Variants in CLVS1 observed in about 807,000 individuals in gnomAD.
CLVS1 encodes clavesin 1.
CLVS1 carries 10 observed loss-of-function variants against 33.1 expected under a neutral mutation model. The ratio of observed to expected loss-of-function variants is 0.30; its 90% CI spans 0.19 to 0.51. CLVS1 has a LOEUF of 0.51. CLVS1 is among the 20% of genes least tolerant of loss of function. The pLI is 0.97. For missense variants in CLVS1, 343 were observed against 433.4 expected (o/e 0.79, Z 1.85); for synonymous variants, 163 against 166.1 (o/e 0.98, Z 0.14).
intron 1 of CLVS1, among the ~76,000 whole-genome samples, chr8:61,106,076 A>T (rs1805532203): frequency 6.6e-6 from 1 of 152,136 alleles, no homozygotes; most frequent in African/African-American, 2.4e-5. Context: ...TGACTACCCT[A>T]CTAGACTGTG....
chr8:61,166,031 G>GTTTTTTTTTTTTTTTTTTTTTTTT (rs71245557), intron 2 of CLVS1, among the ~76,000 whole-genome samples: 1 of 108,374 alleles, frequency 9.2e-6, no homozygotes, highest in Non-Finnish European at 1.9e-5. Context: ...GCATCTAAGC[G>GTTTTTTTTTTTTTTTTTTTTTTTT]TTTTTTTTTT....
intron 2 of CLVS1, among the ~76,000 whole-genome samples, chr8:61,263,232 A>G (rs1809243061): frequency 6.6e-6 from 1 of 152,164 alleles, no homozygotes; most frequent in African/African-American, 2.4e-5. Flanking sequence ...CCAGCAGAGG[A>G]TGGGGTCTGG....
chr8:61,373,359 A>G (rs900291550), intron 2 of CLVS1, among the ~76,000 whole-genome samples: 7 of 152,184 alleles, frequency 4.6e-5, no homozygotes, highest in Non-Finnish European at 8.8e-5. Flanking sequence ...AACTGTAATG[A>G]AGTCCATAAA....
chr8:61,448,498 T>C (rs1465919147), intron 3 of CLVS1, among the ~76,000 whole-genome samples: 1 of 152,156 alleles, frequency 6.6e-6, no homozygotes, highest in Non-Finnish European at 1.5e-5. Context: ...AGTTCACTGA[T>C]TCTTTCTTCT....
chr8:61,105,158 A>G (rs1486582364), intron 1 of CLVS1, among the ~76,000 whole-genome samples: 4 of 152,230 alleles, frequency 2.6e-5, no homozygotes, highest in Non-Finnish European at 4.4e-5. Context: ...AAGACTAACT[A>G]TATTTGAGAT....
At chr8:61,275,012 A>C (rs1585741352) in intron 2 of CLVS1, among the ~76,000 whole-genome samples, 2 of 152,306 alleles carry the variant, frequency 1.3e-5, no homozygotes, top group African/African-American at 4.8e-5. Flanking sequence ...AATCAGGAAT[A>C]TAAATTGCTC....
chr8:61,232,040 T>TTTG lies in CLVS1; in HGVS notation c.-151-67635_-151-67634insGTT, dbSNP rs1554548386. Among the ~76,000 whole-genome samples, 4 of 136,368 alleles carry TTTG rather than the reference T, an allele frequency of 2.9e-5. No homozygotes were observed. The East Asian group carries it at 8.8e-4, about 30-fold the overall frequency. 89.5% of individuals were successfully genotyped at this position (136,368 alleles called of 152,430 possible). A position where few individuals can be genotyped will look rare whatever the true frequency, so the allele number is the denominator to read the frequency against. On this transcript the variant is annotated intron_variant, in intron 2 of 2. Transcript: ENST00000522621. Reference sequence around the variant, plus strand: ...AAGTTGTGGTTTTTTTTTTTTTTTTTTTTTTTTTTTGTGAGATGGAGTCTC... The same window carrying TTTG: ...AAGTTGTGGTTTTTTTTTTTTTTTTTTTGTTTTTTTTTTGTGAGATGGAGTCTC...
At chr8:61,013,890 G>T in the CLVS1 span, among the ~76,000 whole-genome samples, 5 of 152,160 alleles carry the variant, frequency 3.3e-5, no homozygotes, top group Non-Finnish European at 4.4e-5. Flanking sequence ...CACATCTGAG[G>T]ACCCCGAGCT....
intron 2 of CLVS1, among the ~76,000 whole-genome samples, chr8:61,341,558 A>G (rs972762928): frequency 6.6e-6 from 1 of 152,116 alleles, no homozygotes; most frequent in African/African-American, 2.4e-5. Flanking sequence ...GACACCCACC[A>G]TCCGGTTTCT....
intron 3 of CLVS1, among the ~76,000 whole-genome samples, chr8:61,415,762 G>C (rs920149340): frequency 6.6e-6 from 1 of 152,120 alleles, no homozygotes; most frequent in South Asian, 2.1e-4. Flanking sequence ...AAGAGATGAA[G>C]TTAATTGCAC....
chr8:61,347,643 TA>T (rs1425454720), intron 2 of CLVS1, among the ~76,000 whole-genome samples: 3 of 38,304 alleles, frequency 7.8e-5, no homozygotes, highest in Non-Finnish European at 2.0e-4. Flanking sequence ...TATATATATA[TA>T]TATATATATA....
chr8:61,385,948 G>A (rs1469629763), intron 3 of CLVS1, among the ~76,000 whole-genome samples: 1 of 152,186 alleles, frequency 6.6e-6, no homozygotes, highest in Non-Finnish European at 1.5e-5. Flanking sequence ...AGAAACTTAA[G>A]GAGGTAGACA....
At chr8:61,254,797 G>C (rs539724218) in intron 2 of CLVS1, among the ~76,000 whole-genome samples, 1 of 152,166 alleles carries the variant, frequency 6.6e-6, no homozygotes, top group African/African-American at 2.4e-5. Context: ...GGACTGACCC[G>C]ATTTTCCAGG....
chr8:61,392,334 GA>G (rs112096872), intron 3 of CLVS1, among the ~76,000 whole-genome samples: 87 of 145,166 alleles, frequency 6.0e-4, no homozygotes, highest in South Asian at 3.7e-3. Context: ...CCCATCTCAG[GA>G]AAAAAAAAAA....
chr8:61,058,412 T>C (rs964566728), intron 1 of CLVS1, among the ~76,000 whole-genome samples: 1 of 152,152 alleles, frequency 6.6e-6, no homozygotes, highest in Non-Finnish European at 1.5e-5. Flanking sequence ...CTTTTTCTGG[T>C]CCAGAATTTC....
intron 2 of CLVS1, among the ~76,000 whole-genome samples, chr8:61,309,699 T>G (rs1398369418): frequency 1.3e-5 from 2 of 152,178 alleles, no homozygotes; most frequent in East Asian, 1.9e-4. Context: ...AGCAGCTTCT[T>G]CAAATGTTAC....
chr8:61,186,533 AG>A (rs1473443892), intron 2 of CLVS1, among the ~76,000 whole-genome samples: 2 of 152,180 alleles, frequency 1.3e-5, no homozygotes, highest in African/African-American at 4.8e-5. Context: ...TTTTGGAATC[AG>A]GGCCAATCAA....
intron 3 of CLVS1, among the ~76,000 whole-genome samples, chr8:61,381,599 C>T (rs946923813): frequency 2.6e-5 from 4 of 152,120 alleles, no homozygotes; most frequent in Non-Finnish European, 5.9e-5. Flanking sequence ...TACCCTCCAA[C>T]TTTAAGTAGG....
the CLVS1 span, among the ~76,000 whole-genome samples, chr8:61,005,051 G>A: frequency 1.3e-5 from 2 of 152,164 alleles, no homozygotes; most frequent in Non-Finnish European, 2.9e-5. Context: ...ATTGCACTCT[G>A]CTGAGTCCAG....
Sources: allele counts gnomAD v4.1 joint callset (sites outside exome capture counted in the v4.1 genomes callset), GRCh38; gene constraint gnomAD v4.1.1; transcripts MANE v1.5; gene names NCBI Gene and HGNC (gene_info 2026-07-23, HGNC 2026-07-21).